The following TEX36 variants were observed in gnomAD, a reference collection of about 807,000 sequenced individuals.
TEX36 encodes the protein testis-expressed protein 36.
Under a neutral mutation model 13.6 loss-of-function variants are expected in TEX36, and 12 were observed. The observed-to-expected ratio is 0.88, with a 90% CI of 0.56 to 1.43. The LOEUF is 1.43. Among genes scored for constraint, TEX36 ranks in the 40% most tolerant of loss-of-function variants. The probability of loss-of-function intolerance (pLI) is 0.00; values close to 1 mark genes in which losing one functional copy is unlikely to be tolerated. For missense variants in TEX36, 224 were observed against 228.3 expected (o/e 0.98, Z 0.12); for synonymous variants, 93 against 83.0 (o/e 1.12, Z -0.65).
intron 3 of TEX36, among the ~76,000 whole-genome samples, chr10:125,580,554 G>T (rs2133521021): frequency 6.6e-6 from 1 of 152,282 alleles, no homozygotes; most frequent in East Asian, 1.9e-4. Context: ...GGGAAGAAAA[G>T]AGAAAACATA....
intron 3 of TEX36, among the ~76,000 whole-genome samples, chr10:125,611,479 T>G (rs1475616429): frequency 1.3e-5 from 2 of 152,218 alleles, no homozygotes; most frequent in Non-Finnish European, 2.9e-5. Flanking sequence ...ATTTTTTAGA[T>G]GTTTATTGGC....
intron 3 of TEX36, among the ~76,000 whole-genome samples, chr10:125,623,717 T>A (rs975458465): frequency 9.2e-5 from 14 of 152,184 alleles, no homozygotes; most frequent in South Asian, 2.1e-4. Context: ...AAAGGCACTT[T>A]ATTCGAAGGC....
intron 3 of TEX36, among the ~76,000 whole-genome samples, chr10:125,622,207 G>A (rs1347942627): frequency 6.6e-6 from 1 of 152,148 alleles, no homozygotes; most frequent in African/African-American, 2.4e-5. Context: ...ACATAATACA[G>A]CTATCCTTCG....
At chr10:125,592,781 C>G (rs1023312472) in intron 3 of TEX36, among the ~76,000 whole-genome samples, 1 of 152,148 alleles carries the variant, frequency 6.6e-6, no homozygotes, top group African/African-American at 2.4e-5. Flanking sequence ...CATTTGATTA[C>G]TTTGTTAGAG....
At chr10:125,591,781 A>C (rs546468001) in intron 3 of TEX36, among the ~76,000 whole-genome samples, 1 of 152,324 alleles carries the variant, frequency 6.6e-6, no homozygotes, top group African/African-American at 2.4e-5. Context: ...AGATGCGTTC[A>C]TGACGAACTT....
chr10:125,577,915 A>G (rs1845844682), intron 3 of TEX36, among the ~76,000 whole-genome samples: 1 of 152,266 alleles, frequency 6.6e-6, no homozygotes. Context: ...AGAAAGATTA[A>G]AAAGGGCAGG....
chr10:125,594,143 G>T (rs1846053298), intron 3 of TEX36, among the ~76,000 whole-genome samples: 1 of 152,098 alleles, frequency 6.6e-6, no homozygotes, highest in Admixed American at 6.6e-5. Context: ...TGGGGAAGAG[G>T]GACCCCACCT....
At chr10:125,601,739 ATC>A (rs1217052271) in intron 3 of TEX36, among the ~76,000 whole-genome samples, 1 of 152,140 alleles carries the variant, frequency 6.6e-6, no homozygotes, top group East Asian at 1.9e-4. Flanking sequence ...TCAGTTTTAT[ATC>A]TGAGTTGTGA....
chr10:125,601,266 C>T (rs372224477), intron 3 of TEX36, among the ~76,000 whole-genome samples: 22 of 152,286 alleles, frequency 1.4e-4, no homozygotes, highest in African/African-American at 3.1e-4. Flanking sequence ...CTATAAGACA[C>T]GTATAGTATT....
At chr10:125,657,838 T>A (rs1846972700) in intron 3 of TEX36, among the ~76,000 whole-genome samples, 1 of 152,316 alleles carries the variant, frequency 6.6e-6, no homozygotes, top group South Asian at 2.1e-4. Flanking sequence ...GCTGGAAGAC[T>A]TACCTTATTC....
chr10:125,579,227 G>A (rs1046878547), intron 3 of TEX36, among the ~76,000 whole-genome samples: 1 of 152,214 alleles, frequency 6.6e-6, no homozygotes, highest in African/African-American at 2.4e-5. Context: ...AAAGAGGCTT[G>A]ATTCACTGTT....
chr10:125,588,718 GA>G (rs1845988198), intron 3 of TEX36, among the ~76,000 whole-genome samples: 1 of 152,174 alleles, frequency 6.6e-6, no homozygotes, highest in Admixed American at 6.5e-5. Flanking sequence ...GGGTTCAAGC[GA>G]TTCTCCTGCC....
intron 3 of TEX36, among the ~76,000 whole-genome samples, chr10:125,622,638 G>A (rs1371388048): frequency 6.6e-6 from 1 of 152,212 alleles, no homozygotes; most frequent in Admixed American, 6.5e-5. Flanking sequence ...AGACGAGATG[G>A]GATGGATTCA....
intron 3 of TEX36, among the ~76,000 whole-genome samples, chr10:125,637,932 C>A (rs760064568): frequency 2.5e-4 from 38 of 152,062 alleles, no homozygotes; most frequent in African/African-American, 8.0e-4. Flanking sequence ...AGACCACCCC[C>A]CTGCTGCCGG....
chr10:125,619,582 G>A (rs139954002), downstream of TEX36, among the ~76,000 whole-genome samples: 1,417 of 152,192 alleles, frequency 9.3e-3, 11 homozygotes, highest in Middle Eastern at 0.034. Context: ...ACGGAGTCTC[G>A]CTCTGTAGCC....
chr10:125,666,058 A>T (rs1425374525), intron 1 of TEX36, among the ~76,000 whole-genome samples: 1 of 152,138 alleles, frequency 6.6e-6, no homozygotes, highest in Non-Finnish European at 1.5e-5. Context: ...CTGCAACTTT[A>T]CTGAATATAT....
At chr10:125,659,703 G>A (rs927008099) in intron 3 of TEX36, among the ~76,000 whole-genome samples, 2 of 152,226 alleles carry the variant, frequency 1.3e-5, no homozygotes, top group African/African-American at 4.8e-5. Context: ...TAACTTTACT[G>A]GATCTCAATT....
At chr10:125,622,371 A>G (rs1261594326) in intron 3 of TEX36, among the ~76,000 whole-genome samples, 1 of 152,270 alleles carries the variant, frequency 6.6e-6, no homozygotes, top group African/African-American at 2.4e-5. Context: ...ATACATGCAC[A>G]AACATATTTT....
At chr10:125,625,088 A>G (rs945607509) in intron 3 of TEX36, among the ~76,000 whole-genome samples, 4 of 151,928 alleles carry the variant, frequency 2.6e-5, no homozygotes, top group Non-Finnish European at 5.9e-5. Flanking sequence ...GTCCGTGCTG[A>G]CTCTTGCACC....
Sources: allele counts gnomAD v4.1 joint callset (sites outside exome capture counted in the v4.1 genomes callset), GRCh38; gene constraint gnomAD v4.1.1; transcripts MANE v1.5; gene names NCBI Gene and HGNC (gene_info 2026-07-23, HGNC 2026-07-21).